The following DCBLD1 variants were observed in gnomAD, a reference collection of about 807,000 sequenced individuals.
DCBLD1 encodes the protein discoidin, CUB and LCCL domain containing 1, also known as discoidin, CUB and LCCL domain-containing protein 1.
In DCBLD1, 57 loss-of-function variants were observed where a neutral mutation model predicts 71.5. That is an observed-to-expected ratio of 0.80 (90% CI 0.64 to 0.99). DCBLD1 has a LOEUF of 0.99. Ranked by LOEUF, DCBLD1 falls within the 50% of genes least tolerant of loss-of-function variation. The pLI, the probability that DCBLD1 is intolerant of heterozygous loss-of-function variation, is 0.00. For synonymous variants in DCBLD1, 380 were observed against 363.8 expected (o/e 1.04, Z -0.51); for missense variants, 891 against 923.5 (o/e 0.96, Z 0.46).
rs1209312865 is a variant in DCBLD1 at position 117,548,061 on chromosome 6, G to A, written c.1770G>A (p.Ala590=). 4.5e-6 allele frequency: 7 copies of A among 1,548,684 alleles called. No homozygotes were observed. Among genetic ancestry groups the A allele is most frequent in the African/African-American group, 2.7e-5 (2 of 72,982 alleles). The change falls in exon 15 of 15, where the codon GCG becomes GCA. Residue 590 remains alanine (A), a synonymous_variant. Transcript: ENST00000338728. ...CPQRAGRHEY[A]LPLAPPEPEY... is the part of the protein sequence containing the mutation. ...AGCGGGCCGGCCGCCACGAGTACGCGCTGCCCCTGGCGCCCCCGGAGCCCG... is the reference window on the plus strand; with the variant it reads ...AGCGGGCCGGCCGCCACGAGTACGCACTGCCCCTGGCGCCCCCGGAGCCCG...
At chr6:117,553,771 G>GT (rs201867441), downstream of DCBLD1, among the ~76,000 whole-genome samples, 32 of 151,914 alleles carry the variant, frequency 2.1e-4, no homozygotes, top group East Asian at 7.7e-4. Context: ...GTACTTAGGT[G>GT]TTTTTTTTGT....
chr6:117,555,985 G>C (rs903103141), intron 14 of DCBLD1, among the ~76,000 whole-genome samples: 2 of 152,036 alleles, frequency 1.3e-5, no homozygotes, highest in Non-Finnish European at 2.9e-5. Context: ...GGAAAAATCA[G>C]CCTTCAATTT....
intron 14 of DCBLD1, among the ~76,000 whole-genome samples, chr6:117,558,803 G>C (rs112041033): frequency 3.9e-5 from 6 of 152,272 alleles, no homozygotes; most frequent in African/African-American, 1.4e-4. Context: ...CCTCTGCCTA[G>C]CATGTACCAA....
intron 2 of DCBLD1, among the ~76,000 whole-genome samples, chr6:117,513,133 G>A (rs749741261): frequency 9.9e-5 from 15 of 152,276 alleles, no homozygotes; most frequent in South Asian, 2.1e-4. Context: ...ATACATTGCT[G>A]TACAGATTGT....
chr6:117,518,454 C>T (rs1399377730), intron 2 of DCBLD1, among the ~76,000 whole-genome samples: 3 of 152,210 alleles, frequency 2.0e-5, no homozygotes, highest in African/African-American at 7.2e-5. Context: ...GTTCCAAAGT[C>T]ACTTCCACAT....
At chr6:117,545,666 G>C (rs1458505759) in intron 14 of DCBLD1, 69 bp downstream of exon 14, 1 of 1,549,600 alleles carries the variant, frequency 6.5e-7, no homozygotes, top group African/African-American at 1.4e-5. Flanking sequence ...GGAGACAGGA[G>C]AGAAATAAGG....
chr6:117,507,401 ATATAT>A (rs1464963719), intron 2 of DCBLD1, among the ~76,000 whole-genome samples: 1 of 152,210 alleles, frequency 6.6e-6, no homozygotes, highest in Non-Finnish European at 1.5e-5. Context: ...TCTGTTTGTC[ATATAT>A]TATAATTACG....
At chr6:117,504,629 G>A (rs1289252665) in intron 2 of DCBLD1, among the ~76,000 whole-genome samples, 1 of 152,176 alleles carries the variant, frequency 6.6e-6, no homozygotes, top group Non-Finnish European at 1.5e-5. Context: ...ATTTTCTGGG[G>A]AAGAAAACAG....
chr6:117,502,282 T>C (rs983213477), intron 1 of DCBLD1, among the ~76,000 whole-genome samples: 9 of 152,160 alleles, frequency 5.9e-5, no homozygotes, highest in African/African-American at 1.2e-4. Flanking sequence ...TGTCTAAAGT[T>C]CCCCCCGGCA....
chr6:117,521,168 G>A (rs1462888882), intron 3 of DCBLD1, among the ~76,000 whole-genome samples: 3 of 152,170 alleles, frequency 2.0e-5, no homozygotes, highest in African/African-American at 7.2e-5. Context: ...GAACTGTGTT[G>A]GGCTTTTGAA....
exon 15 of DCBLD1, chr6:117,569,737 C>A (rs1408146814): frequency 1.3e-6 from 2 of 1,582,196 alleles, no homozygotes; most frequent in Admixed American, 1.9e-5. Context: ...CTTTCCCACC[C>A]TAACAACAAC....
At chr6:117,491,798 G>T (rs1260846858) in intron 1 of DCBLD1, among the ~76,000 whole-genome samples, 1 of 152,096 alleles carries the variant, frequency 6.6e-6, no homozygotes, top group Non-Finnish European at 1.5e-5. Context: ...AGGTTCAGTT[G>T]TTCTGTGACA....
chr6:117,492,071 G>A (rs758956571), intron 1 of DCBLD1, among the ~76,000 whole-genome samples: 3 of 152,106 alleles, frequency 2.0e-5, no homozygotes, highest in Non-Finnish European at 2.9e-5. Context: ...GTGATACATC[G>A]ATCTCTCCAT....
chr6:117,528,374 A>G (rs1305629050), intron 5 of DCBLD1, among the ~76,000 whole-genome samples: 1 of 152,262 alleles, frequency 6.6e-6, no homozygotes, highest in African/African-American at 2.4e-5. Context: ...TCATTCCACC[A>G]ACATTTTTAA....
intron 14 of DCBLD1, among the ~76,000 whole-genome samples, chr6:117,546,223 C>G (rs941766827): frequency 5.3e-5 from 8 of 152,090 alleles, no homozygotes; most frequent in African/African-American, 2.4e-5. Flanking sequence ...TAAAGAGTAA[C>G]TAAGAGTAGT....
At chr6:117,543,268 CA>C in intron 12 of DCBLD1, 57 bp downstream of exon 12, 1 of 1,483,182 alleles carries the variant, frequency 6.7e-7, no homozygotes, top group Non-Finnish European at 9.4e-7. Flanking sequence ...AATAAAAAAC[CA>C]AAAAGTTTAT....
chr6:117,550,465 A>G (rs1487323639), downstream of DCBLD1, among the ~76,000 whole-genome samples: 11 of 152,210 alleles, frequency 7.2e-5, no homozygotes, highest in African/African-American at 4.8e-5. Context: ...ATCAAATCCT[A>G]CTGGGAGGCA....
intron 2 of DCBLD1, among the ~76,000 whole-genome samples, chr6:117,508,318 C>T (rs1777905442): frequency 6.6e-6 from 1 of 152,130 alleles, no homozygotes; most frequent in Non-Finnish European, 1.5e-5. Flanking sequence ...TGGTCCTGTT[C>T]TCAGTTCCCC....
intron 1 of DCBLD1, among the ~76,000 whole-genome samples, chr6:117,502,951 G>A (rs191615771): frequency 2.4e-4 from 36 of 152,312 alleles, no homozygotes; most frequent in African/African-American, 8.7e-4. Flanking sequence ...TTGATGAAAT[G>A]CTGGTAATTC....
Sources: allele counts gnomAD v4.1 joint callset (sites outside exome capture counted in the v4.1 genomes callset), GRCh38; gene constraint gnomAD v4.1.1; transcripts MANE v1.5; gene names NCBI Gene and HGNC (gene_info 2026-07-23, HGNC 2026-07-21).